PHKA2: variants seen among roughly 807,000 people sequenced by gnomAD.
PHKA2 encodes the protein phosphorylase kinase regulatory subunit alpha 2.
PHKA2 carries 31 observed loss-of-function variants against 102.0 expected under a neutral mutation model. The observed-to-expected ratio is 0.30, with a 90% CI of 0.23 to 0.41. The LOEUF is 0.41. Among genes scored for constraint, PHKA2 ranks in the 10% least tolerant of loss-of-function variants. The pLI is 1.00. For synonymous variants in PHKA2, 455 were observed against 416.2 expected (o/e 1.09, Z -1.13); for missense variants, 858 against 1,023.1 (o/e 0.84, Z 2.20).
chrX:18,977,323 A>G (rs2049103518), intron 1 of PHKA2, among the ~76,000 whole-genome samples: 1 of 112,475 alleles, frequency 8.9e-6, no homozygotes, highest in South Asian at 3.6e-4. Context: ...CTAATCTGTC[A>G]TCACTTTTTG....
In PHKA2 at chrX:18,929,320, A is replaced by C; in HGVS notation, c.1246-14T>G. On this transcript the variant is annotated splice_polypyrimidine_tract_variant and intron_variant, in intron 12 of 32. Transcript: ENST00000379942. ...GGCAAGGAATCCCTATGAAAAGAGG[A>C]GCATTAACACTATGAAATATTGATT... The C allele has an allele frequency of 9.4e-7, 1 of 1,065,852 alleles. No homozygotes were observed. Among genetic ancestry groups the C allele is most frequent in the Non-Finnish European group, 1.3e-6 (1 of 776,640 alleles). The allele number at this position is 1,065,852 out of a possible 1,213,427, so 87.8% of individuals were successfully genotyped here. A position where few individuals can be genotyped will look rare whatever the true frequency, so the allele number is the denominator to read the frequency against.
rs752801282 is a variant in PHKA2 at position 18,927,171 on chromosome X, TG to T, written c.1325-585del. ...GAACCCCCGCACAGGGCCCCACCGG[TG>T]GGGAAAAAGCACCCCAGGGCTGGCC... On this transcript the variant is annotated intron_variant, in intron 13 of 32. Transcript: ENST00000379942. Among the ~76,000 whole-genome samples, 320 of 110,971 alleles carry T rather than the reference TG, an allele frequency of 2.9e-3. 5 individuals carry two copies. The highest frequency in any genetic ancestry group is 8.3e-3 in the African/African-American group (255 of 30,589).
chrX:18,965,574 G>A (rs763351498), intron 1 of PHKA2, among the ~76,000 whole-genome samples: 1 of 111,017 alleles, frequency 9.0e-6, no homozygotes, highest in Non-Finnish European at 1.9e-5. Flanking sequence ...TCCATGAATC[G>A]CCTTTCTGGG....
rs1209638239 is a variant in PHKA2, at chrX:18,972,097, T to C, written c.78+11758A>G. Among the ~76,000 whole-genome samples the C allele has an allele frequency of 4.4e-5, 5 of 112,979 alleles. No homozygotes were observed. The Admixed American group carries it at 4.7e-4, about 11-fold the overall frequency. ...TGTTCTATTTTAAGTTTTATAGCTT[T>C]GCTTTTCACATTTAGGTCTTTATTC... On this transcript the variant is annotated intron_variant, in intron 1 of 32. Transcript: ENST00000379942.
rs761085786 is a variant in PHKA2 at position 18,983,909 on chromosome X, C to T, written c.24G>A (p.Gly8=). The part of the protein sequence containing the change: MRSRSNS[G]VRLDGYARLV... ...GCCGCGCGTACCCGTCCAAGCGGAC[C>T]CCGGAATTGCTCCTGCTCCGCATCT... Residue 8 remains glycine, a synonymous_variant, in exon 1 of 33, where the codon GGG becomes GGA. Transcript: ENST00000379942. 3 of 1,211,395 alleles carry T rather than the reference C, an allele frequency of 2.5e-6. No homozygotes were observed. In the South Asian group the frequency reaches 5.3e-5, roughly 21 times the overall value.
chrX:18,901,068 G>A (rs1333070814), intron 27 of PHKA2, among the ~76,000 whole-genome samples: 1 of 107,877 alleles, frequency 9.3e-6, no homozygotes, highest in Non-Finnish European at 1.9e-5. Flanking sequence ...GACCCCTGTG[G>A]CTGGTGGAGA....
At chrX:18,981,735 GC>G (rs1279237829) in intron 1 of PHKA2, among the ~76,000 whole-genome samples, 1 of 111,241 alleles carries the variant, frequency 9.0e-6, no homozygotes, top group Non-Finnish European at 1.9e-5. Context: ...GGACCACGAG[GC>G]CTGGGCACAA....
Position 18,931,641 on chromosome X carries a change from C to G in PHKA2, c.1245G>C (p.Glu415Asp). 1 of 1,185,988 alleles carries G rather than the reference C, an allele frequency of 8.4e-7. No individual in the cohort carries two copies. The highest frequency in any genetic ancestry group is 1.1e-6 in the Non-Finnish European group (1 of 872,014). The change falls in exon 12 of 33, where the codon GAG becomes GAC. Residue 415 changes from glutamate to aspartate, a missense_variant and splice_region_variant. Transcript: ENST00000379942. ...GTCTGTGAGGCCACTAAGCCCCTAC[C>G]TCTGCCAACAGCGAGCTGAGGATGT... ...SLYILSSLLAEGFLAAGEIDP... is the reference protein window; with the variant it reads ...SLYILSSLLADGFLAAGEIDP...
intron 26 of PHKA2, chrX:18,903,014 T>A (rs1420045485): frequency 8.9e-6 from 1 of 112,520 alleles, no homozygotes; most frequent in African/African-American, 3.2e-5. Flanking sequence ...AAGCTAGAAC[T>A]AACATCTCTT....
chrX:18,929,470 T>A (rs755850725), intron 12 of PHKA2, among the ~76,000 whole-genome samples, 164 bp from the exon 13 acceptor site: 2 of 112,758 alleles, frequency 1.8e-5, no homozygotes, highest in South Asian at 7.3e-4. Context: ...AGTAACATCA[T>A]TCAAACTGCC....
intron 11 of PHKA2, among the ~76,000 whole-genome samples, chrX:18,935,411 C>T (rs1007861025): frequency 2.7e-5 from 3 of 111,618 alleles, no homozygotes; most frequent in African/African-American, 6.5e-5. Flanking sequence ...CATTGGCCTT[C>T]GTCTGTGGAA....
At chrX:18,946,254 A>G (rs1309644919) in intron 5 of PHKA2, among the ~76,000 whole-genome samples, 1 of 110,900 alleles carries the variant, frequency 9.0e-6, no homozygotes, top group Non-Finnish European at 1.9e-5. Flanking sequence ...ATAGAGATTG[A>G]GACTCGGGCA....
chrX:18,906,236 G>A (rs1327243136), intron 25 of PHKA2, among the ~76,000 whole-genome samples: 3 of 112,052 alleles, frequency 2.7e-5, no homozygotes, highest in Non-Finnish European at 3.8e-5. Flanking sequence ...GGTACAGGGC[G>A]GAAGATTCCA....
intron 29 of PHKA2, 112 bp downstream of exon 29, chrX:18,899,061 T>C: frequency 1.5e-6 from 1 of 667,101 alleles, no homozygotes; most frequent in Non-Finnish European, 2.5e-6. Flanking sequence ...AGCATCCCGC[T>C]GAAAACACTT....
intron 19 of PHKA2, among the ~76,000 whole-genome samples, chrX:18,914,828 A>C (rs987591541): frequency 4.5e-5 from 5 of 111,866 alleles, no homozygotes; most frequent in Non-Finnish European, 9.4e-5. Flanking sequence ...TGGGAAATCA[A>C]ATAACTCCGA....
At chrX:18,897,947 A>G (rs1338339494) in intron 29 of PHKA2, 1 of 114,888 alleles carries the variant, frequency 8.7e-6, no homozygotes, top group Non-Finnish European at 1.8e-5. Flanking sequence ...GCTCAGGGAG[A>G]CAAACTCCAT....
chrX:18,962,074 T>C (rs1292733120), intron 1 of PHKA2, among the ~76,000 whole-genome samples: 1 of 111,829 alleles, frequency 8.9e-6, no homozygotes, highest in Non-Finnish European at 1.9e-5. Flanking sequence ...TATAATTTTG[T>C]ATTGTAAAAT....
chrX:18,944,470 G>C lies in PHKA2; in HGVS notation c.618+608C>G, dbSNP rs762219077. 6.3e-5 allele frequency among the ~76,000 whole-genome samples: 7 copies of C among 111,888 alleles called. No homozygotes were observed. The South Asian group carries it at 1.5e-3, about 24-fold the overall frequency. ...CTGTCCAAAAAATACATTACATTCT[G>C]GAGGAGGGAGGGAAGGAGGCACACC... is the stretch of plus-strand genomic sequence containing the variant. On this transcript the variant is annotated intron_variant, in intron 6 of 32. Coordinates refer to ENST00000379942, the MANE Select transcript of PHKA2 (RefSeq NM_000292.3).
At position 18,906,812 on chromosome X, in the gene PHKA2, G is replaced by C; in HGVS notation, c.2600C>G (p.Pro867Arg). The C allele has an allele frequency of 8.3e-7, 1 of 1,204,716 alleles. No individual in the cohort carries two copies. The highest frequency in any genetic ancestry group is 1.1e-6 in the Non-Finnish European group (1 of 888,839). ...TTTTGTGAGCTCCTCTGGGGGAAGG[G>C]GCCTAGAAAGGAGCATTGTGTCACG... is the stretch of plus-strand genomic sequence containing the variant. ...PEPREKIISA[P>R]LPPEELTKLI... Residue 867 changes from proline (P) to arginine (R), a missense_variant and splice_region_variant, in exon 24 of 33, where the codon CCC becomes CGC. Physicochemically the swap from Pro to Arg is moderately radical, Grantham distance 103 (BLOSUM62 -2). Transcript: ENST00000379942.
Sources: gnomAD v4.1 joint callset for allele counts (sites outside exome capture counted in the v4.1 genomes callset) on GRCh38, gnomAD v4.1.1 for gene constraint, MANE v1.5 for transcripts, NCBI Gene and HGNC (gene_info 2026-07-23, HGNC 2026-07-21) for gene names.